Variants in ERBB4 observed in about 807,000 individuals in gnomAD.
The protein encoded by ERBB4 is erb-b2 receptor tyrosine kinase 4.
Under a neutral mutation model 158.0 loss-of-function variants are expected in ERBB4, and 42 were observed. The ratio of observed to expected loss-of-function variants is 0.27; its 90% CI spans 0.21 to 0.34. ERBB4 has a LOEUF of 0.34. ERBB4 is among the 10% of genes least tolerant of loss of function. The pLI is 1.00. For missense variants in ERBB4, 1,333 were observed against 1,624.1 expected, an observed-to-expected ratio of 0.82 and a Z score of 3.08; for synonymous variants, 583 against 558.7, an observed-to-expected ratio of 1.04 and a Z score of -0.61.
At chr2:211,672,712 G>C (rs547390843) in intron 14 of ERBB4, among the ~76,000 whole-genome samples, 2 of 152,226 alleles carry the variant, frequency 1.3e-5, no homozygotes, top group Admixed American at 1.3e-4. Flanking sequence ...ATGTTTATAT[G>C]TTTCTTCTTT....
chr2:212,524,386 A>ATT (rs1692335252), intron 1 of ERBB4, among the ~76,000 whole-genome samples: 1 of 152,050 alleles, frequency 6.6e-6, no homozygotes, highest in South Asian at 2.1e-4. Context: ...CTTGCCAGGT[A>ATT]ACTATTCATT....
intron 1 of ERBB4, among the ~76,000 whole-genome samples, chr2:212,142,283 A>G (rs565830292): frequency 1.6e-4 from 25 of 152,120 alleles, no homozygotes; most frequent in Non-Finnish European, 3.1e-4. Flanking sequence ...TGTTTTGTTC[A>G]TTACTATATT....
At chr2:212,115,251 AAAT>A (rs1367124357) in intron 2 of ERBB4, among the ~76,000 whole-genome samples, 1 of 152,092 alleles carries the variant, frequency 6.6e-6, no homozygotes, top group African/African-American at 2.4e-5. Context: ...TTTGATCCTT[AAAT>A]TATACTCTAT....
intron 1 of ERBB4, among the ~76,000 whole-genome samples, chr2:212,382,479 C>G (rs551396309): frequency 1.3e-5 from 2 of 150,438 alleles, no homozygotes; most frequent in Non-Finnish European, 3.0e-5. Context: ...TTATATAGTT[C>G]ACATTGTCCT....
At chr2:211,501,650 T>G (rs2065620659) in intron 20 of ERBB4, among the ~76,000 whole-genome samples, 1 of 152,096 alleles carries the variant, frequency 6.6e-6, no homozygotes, top group African/African-American at 2.4e-5. Context: ...TGTATTTATC[T>G]AACACAATAT....
At chr2:212,108,026 A>G (rs1455544738) in intron 2 of ERBB4, among the ~76,000 whole-genome samples, 1 of 152,168 alleles carries the variant, frequency 6.6e-6, no homozygotes, top group Non-Finnish European at 1.5e-5. Context: ...TAATATTTTC[A>G]TTTTACAAAA....
At chr2:212,412,085 G>A (rs1198801906) in intron 1 of ERBB4, among the ~76,000 whole-genome samples, 1 of 152,084 alleles carries the variant, frequency 6.6e-6, no homozygotes, top group Non-Finnish European at 1.5e-5. Context: ...TTTTCTTAAA[G>A]ACATACTCAT....
At chr2:212,361,601 G>A (rs550321648) in intron 1 of ERBB4, among the ~76,000 whole-genome samples, 2 of 151,822 alleles carry the variant, frequency 1.3e-5, no homozygotes, top group Non-Finnish European at 3.0e-5. Context: ...TTCACAATGT[G>A]TGAGAGTGCA....
intron 20 of ERBB4, among the ~76,000 whole-genome samples, chr2:211,513,763 A>G (rs1574646396): frequency 6.6e-6 from 1 of 152,100 alleles, no homozygotes; most frequent in African/African-American, 2.4e-5. Flanking sequence ...AAGAAGAAAT[A>G]CAATACAGGC....
At position 212,403,498 on chromosome 2, in the gene ERBB4, T is replaced by C. The variant is rs376203723; in HGVS notation, c.82+134951A>G. The stretch of plus-strand genomic sequence containing the variant: ...ATCCAAGATATGAAAACAACCTAAA[T>C]ATACGTTGCCAAGTAAAATGTGTCA... On this transcript the variant is annotated intron_variant, in intron 1 of 27. Transcript: ENST00000342788. 1.1e-4 allele frequency among the ~76,000 whole-genome samples: 17 copies of C among 152,156 alleles called. 1 individual carries two copies. Among genetic ancestry groups the C allele is most frequent in the African/African-American group, 4.1e-4 (17 of 41,556 alleles).
chr2:212,195,715 T>C (rs1574412186), intron 1 of ERBB4, among the ~76,000 whole-genome samples: 1 of 152,036 alleles, frequency 6.6e-6, no homozygotes, highest in Non-Finnish European at 1.5e-5. Flanking sequence ...GCTTACCATA[T>C]CCCTATACTT....
intron 1 of ERBB4, among the ~76,000 whole-genome samples, chr2:212,164,969 G>A (rs1037126886): frequency 3.3e-5 from 5 of 151,706 alleles, no homozygotes; most frequent in Non-Finnish European, 5.9e-5. Flanking sequence ...TTTCTTTTTC[G>A]CATTTTTAAT....
intron 3 of ERBB4, among the ~76,000 whole-genome samples, chr2:211,867,559 CAT>C (rs1470772256): frequency 6.6e-6 from 1 of 152,072 alleles, no homozygotes; most frequent in Non-Finnish European, 1.5e-5. Flanking sequence ...TCACATAAAA[CAT>C]GTAGATATAT....
At chr2:212,384,550 T>C (rs549101193) in intron 1 of ERBB4, among the ~76,000 whole-genome samples, 56 of 151,830 alleles carry the variant, frequency 3.7e-4, no homozygotes, top group Admixed American at 1.1e-3. Flanking sequence ...GAAAAGGTCA[T>C]GTCTAAAGAC....
intron 1 of ERBB4, among the ~76,000 whole-genome samples, chr2:212,209,443 T>G (rs1190700564): frequency 6.6e-6 from 1 of 152,170 alleles, no homozygotes; most frequent in Non-Finnish European, 1.5e-5. Context: ...GTGAAAATCC[T>G]GATCTTATGA....
chr2:211,763,043 T>C (rs1156754567), intron 4 of ERBB4, among the ~76,000 whole-genome samples: 1 of 148,986 alleles, frequency 6.7e-6, no homozygotes, highest in Non-Finnish European at 1.5e-5. Flanking sequence ...CTAGGGATTG[T>C]GTGTGTGTGT....
intron 3 of ERBB4, among the ~76,000 whole-genome samples, chr2:211,800,295 T>A (rs985821965): frequency 6.6e-6 from 1 of 152,166 alleles, no homozygotes; most frequent in South Asian, 2.1e-4. Flanking sequence ...AGAAATCCTA[T>A]GAGGTAATTA....
chr2:212,433,470 T>C (rs998626590), intron 1 of ERBB4, among the ~76,000 whole-genome samples: 4 of 152,024 alleles, frequency 2.6e-5, no homozygotes, highest in Admixed American at 2.6e-4. Context: ...GGCCAACATA[T>C]TCAATCACCT....
intron 2 of ERBB4, among the ~76,000 whole-genome samples, chr2:211,971,817 TCAATAGAAG>T (rs2081461441): frequency 6.6e-6 from 1 of 151,952 alleles, no homozygotes; most frequent in African/African-American, 2.4e-5. Context: ...TATTAATATC[TCAATAGAAG>T]CAATAGCTGG....
Sources: gnomAD v4.1 joint callset for allele counts (sites outside exome capture counted in the v4.1 genomes callset) on GRCh38, gnomAD v4.1.1 for gene constraint, MANE v1.5 for transcripts, NCBI Gene and HGNC (gene_info 2026-07-23, HGNC 2026-07-21) for gene names.